Variants in LRP1B observed in about 807,000 individuals in gnomAD.
LRP1B encodes low-density lipoprotein receptor-related protein 1B.
Under a neutral mutation model 556.6 loss-of-function variants are expected in LRP1B, and 217 were observed. The ratio of observed to expected loss-of-function variants is 0.39; its 90% CI spans 0.35 to 0.44. The LOEUF (loss-of-function observed/expected upper bound fraction) is 0.44. LRP1B is among the 20% of genes least tolerant of loss of function. LRP1B has a pLI of 1.00. For synonymous variants in LRP1B, 2,047 were observed against 1,865.8 expected, an observed-to-expected ratio of 1.10 and a Z score of -2.50; for missense variants, 5,053 against 5,620.8, an observed-to-expected ratio of 0.90 and a Z score of 3.23.
At chr2:141,967,481 C>T (rs1225328939) in intron 1 of LRP1B, among the ~76,000 whole-genome samples, 3 of 151,800 alleles carry the variant, frequency 2.0e-5, no homozygotes, top group African/African-American at 7.3e-5. Context: ...GAAAATCTCA[C>T]CGTATTTCTT....
At chr2:140,713,555 C>A (rs1342332174) in intron 37 of LRP1B, among the ~76,000 whole-genome samples, 1 of 151,950 alleles carries the variant, frequency 6.6e-6, no homozygotes, top group African/African-American at 2.4e-5. Context: ...TTGTTTGAGG[C>A]CAAGGGAAGG....
chr2:140,343,984 G>A (rs1681527027), intron 77 of LRP1B, among the ~76,000 whole-genome samples: 1 of 151,586 alleles, frequency 6.6e-6, no homozygotes, highest in African/African-American at 2.4e-5. Flanking sequence ...GGAAAGAGTT[G>A]GAGGTCATAG....
chr2:141,510,221 C>CACAT (rs1259759416), intron 2 of LRP1B, among the ~76,000 whole-genome samples: 1 of 150,764 alleles, frequency 6.6e-6, no homozygotes, highest in African/African-American at 2.4e-5. Flanking sequence ...CACACACACA[C>CACAT]ACACACACAC....
intron 2 of LRP1B, among the ~76,000 whole-genome samples, chr2:141,608,638 C>T (rs536180869): frequency 6.6e-6 from 1 of 152,144 alleles, no homozygotes; most frequent in Admixed American, 6.5e-5. Flanking sequence ...CACTGGTGTT[C>T]CAGTGAATGT....
intron 74 of LRP1B, among the ~76,000 whole-genome samples, chr2:140,357,502 CTA>C (rs1682281353): frequency 6.6e-6 from 1 of 151,240 alleles, no homozygotes; most frequent in Non-Finnish European, 1.5e-5. Flanking sequence ...TAGACACAAA[CTA>C]TTCGCAATCA....
At chr2:140,282,321 G>A (rs1275587289) in intron 84 of LRP1B, among the ~76,000 whole-genome samples, 1 of 151,772 alleles carries the variant, frequency 6.6e-6, no homozygotes, top group Non-Finnish European at 1.5e-5. Context: ...ATAGTCAGAG[G>A]CATTAGATGG....
intron 2 of LRP1B, among the ~76,000 whole-genome samples, chr2:141,623,941 G>T (rs1688600591): frequency 6.9e-6 from 1 of 145,968 alleles, no homozygotes; most frequent in Non-Finnish European, 1.5e-5. Flanking sequence ...CTTGAACCCA[G>T]GAGGCAGAGG....
rs368389507 is a variant in LRP1B at position 141,537,689 on chromosome 2, G to T, written c.206-57156C>A. ...TTAAAATCAGATTGTATAGTCACAA[G>T]TATTTTCAGAATTATCACATTATGT... On this transcript the variant is annotated intron_variant, in intron 2 of 90. Transcript: ENST00000389484. 4.1e-4 allele frequency among the ~76,000 whole-genome samples: 63 copies of T among 152,206 alleles called. No individual in the cohort carries two copies. In the East Asian group the frequency reaches 8.7e-3, roughly 21 times the overall value.
chr2:140,357,848 G>C, intron 74 of LRP1B, 131 bp downstream of exon 74: 1 of 1,046,434 alleles, frequency 9.6e-7, no homozygotes, highest in Non-Finnish European at 1.4e-6. Context: ...CTTTGGCAAA[G>C]GTTTTTGAAA....
At chr2:140,841,542 A>G (rs181167801) in intron 29 of LRP1B, among the ~76,000 whole-genome samples, 5 of 152,290 alleles carry the variant, frequency 3.3e-5, no homozygotes, top group Admixed American at 1.3e-4. Context: ...AAACAATTCA[A>G]CTTTCCTAAA....
chr2:141,191,239 A>C (rs1263502496), intron 6 of LRP1B, among the ~76,000 whole-genome samples: 1 of 151,934 alleles, frequency 6.6e-6, no homozygotes, highest in Non-Finnish European at 1.5e-5. Context: ...ATATTAAATA[A>C]ATGTGTGTAT....
intron 3 of LRP1B, among the ~76,000 whole-genome samples, chr2:141,354,385 C>T (rs1688551424): frequency 6.6e-6 from 1 of 151,918 alleles, no homozygotes; most frequent in Non-Finnish European, 1.5e-5. Context: ...ACTGCCCAAA[C>T]CTATATCCTT....
At chr2:141,642,923 A>G (rs1423380923) in intron 2 of LRP1B, among the ~76,000 whole-genome samples, 1 of 152,146 alleles carries the variant, frequency 6.6e-6, no homozygotes, top group Admixed American at 6.6e-5. Context: ...TCATGCAGTG[A>G]AAGCACTGGT....
intron 66 of LRP1B, among the ~76,000 whole-genome samples, chr2:140,435,932 C>T (rs1224297404): frequency 6.6e-6 from 1 of 151,910 alleles, no homozygotes; most frequent in Admixed American, 6.6e-5. Flanking sequence ...AAAATAAATG[C>T]CATTATGCGG....
At chr2:141,105,320 T>G (rs1211005231) in intron 7 of LRP1B, among the ~76,000 whole-genome samples, 1 of 151,982 alleles carries the variant, frequency 6.6e-6, no homozygotes, top group African/African-American at 2.4e-5. Flanking sequence ...GGAGAAAACA[T>G]GTATTACTTC....
At chr2:141,520,237 A>G (rs1684481726) in intron 2 of LRP1B, among the ~76,000 whole-genome samples, 1 of 152,182 alleles carries the variant, frequency 6.6e-6, no homozygotes, top group African/African-American at 2.4e-5. Context: ...GGGCAATACC[A>G]GTGATTTCAA....
intron 3 of LRP1B, among the ~76,000 whole-genome samples, chr2:141,347,454 A>G (rs1688294844): frequency 6.6e-6 from 1 of 151,618 alleles, no homozygotes; most frequent in Non-Finnish European, 1.5e-5. Context: ...TTAACCATAC[A>G]GTAACCTCTT....
intron 7 of LRP1B, among the ~76,000 whole-genome samples, chr2:141,099,457 G>A (rs1295585949): frequency 1.3e-5 from 2 of 152,294 alleles, no homozygotes; most frequent in African/African-American, 2.4e-5. Flanking sequence ...AGACTAGATG[G>A]ACGTCAATCT....
chr2:141,343,486 A>G (rs1559018500), intron 3 of LRP1B, among the ~76,000 whole-genome samples: 1 of 152,098 alleles, frequency 6.6e-6, no homozygotes, highest in Admixed American at 6.6e-5. Flanking sequence ...TGTGTGCTAG[A>G]TATTTTTGTG....
Sources: allele counts gnomAD v4.1 joint callset (sites outside exome capture counted in the v4.1 genomes callset), GRCh38; gene constraint gnomAD v4.1.1; transcripts MANE v1.5; gene names NCBI Gene and HGNC (gene_info 2026-07-23, HGNC 2026-07-21).